The following ADAMTSL1 variants were observed in gnomAD, a reference collection of about 807,000 sequenced individuals.
ADAMTSL1 encodes ADAMTS-like protein 1.
In ADAMTSL1, 126 loss-of-function variants were observed where a neutral mutation model predicts 201.8. That is an observed-to-expected ratio of 0.62 (90% CI 0.54 to 0.72). The LOEUF (loss-of-function observed/expected upper bound fraction) is 0.72. Among genes scored for constraint, ADAMTSL1 ranks in the 30% least tolerant of loss-of-function variants. The pLI, the probability that ADAMTSL1 is intolerant of heterozygous loss-of-function variation, is 0.00. For synonymous variants in ADAMTSL1, 1,121 were observed against 903.4 expected (o/e 1.24, Z -4.32); for missense variants, 2,679 against 2,277.8 (o/e 1.18, Z -3.59).
chr9:17,987,748 T>C (rs112934507), intron 1 of ADAMTSL1, among the ~76,000 whole-genome samples: 4,184 of 152,160 alleles, frequency 0.027, 82 homozygotes, highest in Non-Finnish European at 0.044. Context: ...TGGAAACTTT[T>C]CTTATCTTTC....
At chr9:18,740,160 G>A (rs1818737931) in intron 15 of ADAMTSL1, among the ~76,000 whole-genome samples, 1 of 152,160 alleles carries the variant, frequency 6.6e-6, no homozygotes, top group Non-Finnish European at 1.5e-5. Context: ...GCTGTGTCCT[G>A]CCAAACTTCT....
At chr9:18,301,302 G>A (rs1182390859) in intron 2 of ADAMTSL1, among the ~76,000 whole-genome samples, 1 of 152,170 alleles carries the variant, frequency 6.6e-6, no homozygotes, top group East Asian at 1.9e-4. Flanking sequence ...AGTGAAAAGA[G>A]CTAAAATACT....
chr9:18,868,174 T>C lies in ADAMTSL1; in HGVS notation c.4250-19657T>C, dbSNP rs181175693. On this transcript the variant is annotated intron_variant, in intron 23 of 28. Transcript: ENST00000380548. Reference sequence around the variant, plus strand: ...TGTCATTTCTAGAAGTCCAATTGATTTTTTATTACTTCCACTTTCTTCCTC... The same window carrying C: ...TGTCATTTCTAGAAGTCCAATTGATCTTTTATTACTTCCACTTTCTTCCTC... Among the ~76,000 whole-genome samples, 305 of 152,342 alleles carry C rather than the reference T, an allele frequency of 2.0e-3. 4 individuals are homozygous for C. Among genetic ancestry groups the C allele is most frequent in the Admixed American group, 0.012 (184 of 15,300 alleles).
At chr9:17,998,520 G>C (rs1819478398) in intron 1 of ADAMTSL1, among the ~76,000 whole-genome samples, 2 of 152,024 alleles carry the variant, frequency 1.3e-5, no homozygotes, top group Admixed American at 1.3e-4. Flanking sequence ...AGTCTTGCTT[G>C]AAAGAAAGAA....
intron 1 of ADAMTSL1, among the ~76,000 whole-genome samples, chr9:18,048,933 A>T (rs1410695970): frequency 6.6e-6 from 1 of 152,190 alleles, no homozygotes; most frequent in Non-Finnish European, 1.5e-5. Context: ...AGATCAAGGT[A>T]TCAGCAGGAT....
At chr9:18,278,647 T>G (rs568415620) in intron 2 of ADAMTSL1, among the ~76,000 whole-genome samples, 2 of 152,322 alleles carry the variant, frequency 1.3e-5, no homozygotes, top group African/African-American at 4.8e-5. Flanking sequence ...CTTTTTATAA[T>G]TAATCTATTT....
chr9:18,299,178 C>G (rs972829170), intron 2 of ADAMTSL1, among the ~76,000 whole-genome samples: 1 of 151,974 alleles, frequency 6.6e-6, no homozygotes, highest in East Asian at 1.9e-4. Context: ...GCTTCATGAG[C>G]TCATACAGCT....
At chr9:18,068,279 CAAAT>C (rs1822799563) in intron 1 of ADAMTSL1, among the ~76,000 whole-genome samples, 1 of 151,788 alleles carries the variant, frequency 6.6e-6, no homozygotes, top group Admixed American at 6.6e-5. Context: ...CCATGGATCA[CAAAT>C]AAAGTCAAAA....
chr9:18,097,004 T>C (rs1000396067), intron 1 of ADAMTSL1, among the ~76,000 whole-genome samples: 1 of 152,240 alleles, frequency 6.6e-6, no homozygotes, highest in Non-Finnish European at 1.5e-5. Context: ...TTCTTAAATG[T>C]ATTCATCTTT....
chr9:18,150,128 G>T (rs1302563170), intron 1 of ADAMTSL1, among the ~76,000 whole-genome samples: 2 of 152,040 alleles, frequency 1.3e-5, no homozygotes, highest in South Asian at 2.1e-4. Flanking sequence ...TGAAATAAAG[G>T]TACATATATT....
At chr9:18,653,058 C>T (rs1263582252) in intron 7 of ADAMTSL1, among the ~76,000 whole-genome samples, 1 of 152,184 alleles carries the variant, frequency 6.6e-6, no homozygotes, top group Non-Finnish European at 1.5e-5. Context: ...CCAATATGCC[C>T]CTTTTGCTGA....
chr9:17,936,178 G>A (rs1452444364), intron 1 of ADAMTSL1, among the ~76,000 whole-genome samples: 1 of 152,164 alleles, frequency 6.6e-6, no homozygotes, highest in African/African-American at 2.4e-5. Flanking sequence ...TATTCTAAGT[G>A]TAATTTCCTT....
chr9:18,301,650 C>G (rs745631085), intron 2 of ADAMTSL1, among the ~76,000 whole-genome samples: 4 of 152,090 alleles, frequency 2.6e-5, no homozygotes, highest in Non-Finnish European at 5.9e-5. Flanking sequence ...TTTTCGGGCT[C>G]CAGCTGACCT....
chr9:17,906,866 G>C (rs942401038), exon 1 of ADAMTSL1: 1 of 152,276 alleles, frequency 6.6e-6, no homozygotes, highest in Admixed American at 6.5e-5. Context: ...CCAGTGCCCC[G>C]GGTTCCTGGC....
At chr9:18,652,046 A>C (rs1028293542) in intron 7 of ADAMTSL1, among the ~76,000 whole-genome samples, 5 of 152,144 alleles carry the variant, frequency 3.3e-5, no homozygotes, top group African/African-American at 1.2e-4. Context: ...GTTTTGAAAT[A>C]GTGATACATA....
chr9:18,486,820 G>T (rs990652301), intron 1 of ADAMTSL1, among the ~76,000 whole-genome samples: 2 of 152,156 alleles, frequency 1.3e-5, no homozygotes, highest in African/African-American at 2.4e-5. Flanking sequence ...GATTATTGTT[G>T]TCTGAGGCTG....
intron 2 of ADAMTSL1, among the ~76,000 whole-genome samples, chr9:18,227,795 A>C (rs1944755): frequency 0.99 from 150,895 of 152,254 alleles, 74,786 homozygotes; most frequent in Middle Eastern, 1. Context: ...GTTATAATAC[A>C]TCATATCATC....
At chr9:18,095,726 C>T (rs563547575) in intron 1 of ADAMTSL1, among the ~76,000 whole-genome samples, 1 of 152,172 alleles carries the variant, frequency 6.6e-6, no homozygotes, top group South Asian at 2.1e-4. Flanking sequence ...GGTGGCCCTC[C>T]CTGATAAATT....
chr9:17,941,842 A>G (rs1827251680), intron 1 of ADAMTSL1, among the ~76,000 whole-genome samples: 2 of 151,980 alleles, frequency 1.3e-5, no homozygotes, highest in African/African-American at 4.8e-5. Context: ...AGCAGATTTG[A>G]GGTTTGATGA....
Sources: gnomAD v4.1 joint callset for allele counts (sites outside exome capture counted in the v4.1 genomes callset) on GRCh38, gnomAD v4.1.1 for gene constraint, MANE v1.5 for transcripts, NCBI Gene and HGNC (gene_info 2026-07-23, HGNC 2026-07-21) for gene names.